The following MYO3B variants were observed in gnomAD, a reference collection of about 807,000 sequenced individuals.
MYO3B encodes myosin-IIIb.
Under a neutral mutation model 174.6 loss-of-function variants are expected in MYO3B, and 156 were observed. That is an observed-to-expected ratio of 0.89 (90% CI 0.78 to 1.02). The LOEUF is 1.02. Ranked by LOEUF, MYO3B falls within the 50% of genes least tolerant of loss-of-function variation. MYO3B has a pLI of 0.00. For missense variants in MYO3B, 1,632 were observed against 1,639.4 expected (o/e 1.00, Z 0.08); for synonymous variants, 563 against 569.1 (o/e 0.99, Z 0.15).
intron 30 of MYO3B, among the ~76,000 whole-genome samples, chr2:170,540,795 C>T (rs754361426): frequency 6.6e-6 from 1 of 152,096 alleles, no homozygotes; most frequent in Non-Finnish European, 1.5e-5. Context: ...ATCAGTAGTG[C>T]CTCAACATGG....
intron 7 of MYO3B, among the ~76,000 whole-genome samples, chr2:170,262,627 G>A (rs1363648352): frequency 1.3e-5 from 2 of 152,278 alleles, no homozygotes; most frequent in Non-Finnish European, 2.9e-5. Flanking sequence ...TGAGGGCCAG[G>A]AAGAAATCAA....
At position 170,383,748 on chromosome 2, in the gene MYO3B, T is replaced by TC. The variant is rs773041833; in HGVS notation, c.1231dup (p.His411ProfsTer51). On this transcript the variant is annotated frameshift_variant, in exon 12 of 35. Coordinates refer to ENST00000408978, the MANE Select transcript of MYO3B (RefSeq NM_138995.5). LOFTEE classifies it high-confidence loss of function. The stretch of plus-strand genomic sequence containing the variant: ...ATCATGGGGTGAAACGCGCCTCCAA[T>TC]CCCCCCCACATATTTGCATCAGCAG... The TC allele has an allele frequency of 9.9e-6, 16 of 1,612,634 alleles. No homozygotes were observed. Among genetic ancestry groups the TC allele is most frequent in the Middle Eastern group, 1.7e-4 (1 of 6,056 alleles).
chr2:170,231,882 C>T lies in MYO3B; in HGVS notation c.604-4109C>T, dbSNP rs7597394. Among the ~76,000 whole-genome samples, 15 of 152,124 alleles carry T rather than the reference C, an allele frequency of 9.9e-5. No individual in the cohort carries two copies. The East Asian group carries it at 2.1e-3, about 22-fold the overall frequency. ...GTAGAATATTAGAGCTAGAAGGGAT[C>T]GTATAGGTTATTTATTTCCACCTTA... On this transcript the variant is annotated intron_variant, in intron 6 of 34. Transcript: ENST00000408978.
chr2:170,361,878 G>C (rs1202165665), intron 8 of MYO3B, among the ~76,000 whole-genome samples: 1 of 152,182 alleles, frequency 6.6e-6, no homozygotes, highest in Non-Finnish European at 1.5e-5. Context: ...AGGGCTTGAG[G>C]ATCTAGAATT....
At chr2:170,498,372 T>G (rs1357578131) in intron 25 of MYO3B, among the ~76,000 whole-genome samples, 1 of 152,158 alleles carries the variant, frequency 6.6e-6, no homozygotes, top group Non-Finnish European at 1.5e-5. Flanking sequence ...CAAAGCAACA[T>G]TAAAAGGGAA....
chr2:170,474,856 C>T (rs1366003910), intron 25 of MYO3B, among the ~76,000 whole-genome samples: 1 of 147,206 alleles, frequency 6.8e-6, no homozygotes, highest in Non-Finnish European at 1.5e-5. Context: ...CAGAAAGGTT[C>T]ACCTTAGCCC....
chr2:170,233,041 A>G (rs911477085), intron 6 of MYO3B, among the ~76,000 whole-genome samples: 1 of 152,226 alleles, frequency 6.6e-6, no homozygotes, highest in Non-Finnish European at 1.5e-5. Flanking sequence ...CCATTTTCAC[A>G]TTTAGATATG....
intron 32 of MYO3B, among the ~76,000 whole-genome samples, chr2:170,596,508 A>G (rs1694159140): frequency 6.6e-6 from 1 of 152,220 alleles, no homozygotes; most frequent in African/African-American, 2.4e-5. Flanking sequence ...ACTGTTCTAC[A>G]TACCTACACA....
At chr2:170,486,943 A>T (rs1031423956) in intron 25 of MYO3B, among the ~76,000 whole-genome samples, 1 of 152,212 alleles carries the variant, frequency 6.6e-6, no homozygotes, top group East Asian at 1.9e-4. Flanking sequence ...GCAGTCAATT[A>T]TCATGTTCCC....
intron 29 of MYO3B, among the ~76,000 whole-genome samples, chr2:170,515,462 A>G (rs1688249226): frequency 6.6e-6 from 1 of 152,178 alleles, no homozygotes; most frequent in Non-Finnish European, 1.5e-5. Context: ...GAGAACATTC[A>G]TGGAAGGAAG....
chr2:170,611,996 A>G (rs1202735303), intron 32 of MYO3B, among the ~76,000 whole-genome samples: 1 of 152,226 alleles, frequency 6.6e-6, no homozygotes, highest in Admixed American at 6.5e-5. Context: ...ATGGATCTCC[A>G]GGCCAGTTCT....
At chr2:170,265,502 G>C (rs1212227265) in intron 7 of MYO3B, among the ~76,000 whole-genome samples, 2 of 152,238 alleles carry the variant, frequency 1.3e-5, no homozygotes, top group East Asian at 3.8e-4. Context: ...AGATTTGAGT[G>C]ATACAGAGAC....
chr2:170,532,428 T>G (rs1689410231), intron 30 of MYO3B, among the ~76,000 whole-genome samples: 1 of 152,246 alleles, frequency 6.6e-6, no homozygotes, highest in African/African-American at 2.4e-5. Flanking sequence ...AGTGTCATAT[T>G]AAATTCTGAT....
At chr2:170,544,133 G>A in intron 32 of MYO3B, 145 bp downstream of exon 32, 2 of 545,214 alleles carry the variant, frequency 3.7e-6, no homozygotes, top group Non-Finnish European at 3.3e-6. Flanking sequence ...CATGCTGGAT[G>A]TAAAACTTGT....
intron 6 of MYO3B, among the ~76,000 whole-genome samples, chr2:170,235,249 A>G (rs933889585): frequency 1.3e-5 from 2 of 152,200 alleles, no homozygotes; most frequent in Non-Finnish European, 2.9e-5. Flanking sequence ...GACTTCTCCT[A>G]TCGCCATTGT....
intron 9 of MYO3B, among the ~76,000 whole-genome samples, chr2:170,380,893 A>T (rs1253135042): frequency 6.6e-6 from 1 of 152,232 alleles, no homozygotes; most frequent in Non-Finnish European, 1.5e-5. Flanking sequence ...AGGTGGCAGG[A>T]TCACTTGAAG....
intron 3 of MYO3B, among the ~76,000 whole-genome samples, chr2:170,211,928 G>C (rs527945250): frequency 6.9e-6 from 1 of 145,824 alleles, no homozygotes; most frequent in African/African-American, 2.5e-5. Context: ...TCCTGGCCTG[G>C]TAAAATGTTT....
intron 6 of MYO3B, among the ~76,000 whole-genome samples, chr2:170,229,889 A>G (rs1199252582): frequency 6.6e-6 from 1 of 152,200 alleles, no homozygotes; most frequent in Non-Finnish European, 1.5e-5. Flanking sequence ...AACTTTATCA[A>G]TAAGTCCTAG....
intron 8 of MYO3B, among the ~76,000 whole-genome samples, chr2:170,341,875 A>T (rs970024948): frequency 2.6e-5 from 4 of 152,076 alleles, no homozygotes; most frequent in Admixed American, 1.3e-4. Context: ...GCCTGATTTG[A>T]TCTCACTTAT....
Sources: allele counts gnomAD v4.1 joint callset (sites outside exome capture counted in the v4.1 genomes callset), GRCh38; gene constraint gnomAD v4.1.1; transcripts MANE v1.5; gene names NCBI Gene and HGNC (gene_info 2026-07-23, HGNC 2026-07-21).